EPB41L3: variants seen among roughly 807,000 people sequenced by gnomAD.
EPB41L3 encodes the protein erythrocyte membrane protein band 4.1 like 3.
EPB41L3 carries 57 observed loss-of-function variants against 127.1 expected under a neutral mutation model. That is an observed-to-expected ratio of 0.45 (90% CI 0.36 to 0.56). EPB41L3 has a LOEUF of 0.56. Among genes scored for constraint, EPB41L3 ranks in the 20% least tolerant of loss-of-function variants. The pLI, the probability that EPB41L3 is intolerant of heterozygous loss-of-function variation, is 0.00. For missense variants in EPB41L3, 1,273 were observed against 1,372.2 expected (o/e 0.93, Z 1.14); for synonymous variants, 572 against 549.5 (o/e 1.04, Z -0.57).
chr18:5,593,881 C>A (rs904438476), intron 3 of EPB41L3, among the ~76,000 whole-genome samples: 13 of 152,194 alleles, frequency 8.5e-5, no homozygotes, highest in African/African-American at 3.1e-4. Flanking sequence ...TCTGTTCCGC[C>A]CGGCTCACCG....
Position 5,419,773 on chromosome 18 carries a change from C to G in EPB41L3, c.1444G>C (p.Glu482Gln), listed in dbSNP as rs1410237213. The change falls in exon 12 of 23, where the codon GAG becomes CAG. Residue 482 changes from glutamate to glutamine, a missense_variant. Glu to Gln is a conservative substitution (Grantham distance 29). Around this residue, in one of 3 missense-constraint regions of EPB41L3, gnomAD observed 765 missense variants for 782.9 expected, o/e 0.98. Transcript: ENST00000341928. ...TCTTCCCCCTTCCTCCGTTTGTCCT[C>G]TTCCTCGTCCCGCTCCTCCTCAGCC... ...KKAEEERDEEEDKRRKGEEVT... is the reference protein window; with the variant it reads ...KKAEEERDEEQDKRRKGEEVT... The G allele has an allele frequency of 1.2e-6, 2 of 1,614,058 alleles. No homozygotes were observed. The highest frequency in any genetic ancestry group is 1.7e-6 in the Non-Finnish European group (2 of 1,180,038).
intron 3 of EPB41L3, among the ~76,000 whole-genome samples, chr18:5,588,551 A>G (rs949825503): frequency 3.9e-5 from 6 of 151,922 alleles, no homozygotes; most frequent in African/African-American, 1.4e-4. Context: ...ATATATATAC[A>G]CATAAATCTT....
chr18:5,574,279 C>T (rs908588495), intron 3 of EPB41L3, among the ~76,000 whole-genome samples: 2 of 151,694 alleles, frequency 1.3e-5, no homozygotes, highest in Admixed American at 1.3e-4. Flanking sequence ...GCTACATTGC[C>T]CAGACTGGCC....
intron 3 of EPB41L3, among the ~76,000 whole-genome samples, chr18:5,579,998 A>C (rs1188149164): frequency 6.6e-6 from 1 of 152,188 alleles, no homozygotes; most frequent in Admixed American, 6.5e-5. Flanking sequence ...ATTACTATTA[A>C]TCCCAATTTA....
At chr18:5,541,689 C>G (rs1353362616) in intron 1 of EPB41L3, among the ~76,000 whole-genome samples, 1 of 152,176 alleles carries the variant, frequency 6.6e-6, no homozygotes, top group Non-Finnish European at 1.5e-5. Flanking sequence ...AAAGTCCAAG[C>G]AGTGTACATG....
At chr18:5,441,707 G>A (rs536973008) in intron 5 of EPB41L3, among the ~76,000 whole-genome samples, 13 of 151,978 alleles carry the variant, frequency 8.6e-5, no homozygotes, top group South Asian at 4.2e-4. Flanking sequence ...CTCGTGATCC[G>A]CCCGTCTCGG....
At chr18:5,585,883 T>TTCATCCCTCTGCCAGTGGCC (rs2094437613) in intron 3 of EPB41L3, among the ~76,000 whole-genome samples, 2 of 152,126 alleles carry the variant, frequency 1.3e-5, no homozygotes, top group Non-Finnish European at 2.9e-5. Context: ...TGCCAGTGGC[T>TTCATCCCTCTGCCAGTGGCC]TCATCCCTCT....
At position 5,456,310 on chromosome 18, in the gene EPB41L3, T is replaced by C. The variant is rs560968306; in HGVS notation, c.382-11066A>G. On this transcript the variant is annotated intron_variant, in intron 3 of 22. Coordinates refer to ENST00000341928, the MANE Select transcript of EPB41L3 (RefSeq NM_012307.5). ...CATCAACTGTTTAAGCCTATATTAG[T>C]AGGGCAAGGCTGAGAATAAATAGAA... 3.9e-4 allele frequency among the ~76,000 whole-genome samples: 59 copies of C among 152,304 alleles called. No individual in the cohort carries two copies. The South Asian group carries it at 0.012, about 31-fold the overall frequency.
intron 1 of EPB41L3, among the ~76,000 whole-genome samples, chr18:5,524,952 G>C (rs1029734211): frequency 4.6e-5 from 7 of 152,176 alleles, no homozygotes; most frequent in African/African-American, 9.7e-5. Flanking sequence ...GGTCTGAAAT[G>C]AAAGATGCAC....
intron 1 of EPB41L3, among the ~76,000 whole-genome samples, chr18:5,625,258 C>T (rs2094909913): frequency 6.6e-6 from 1 of 151,860 alleles, no homozygotes; most frequent in African/African-American, 2.4e-5. Context: ...TGAGAGTGAG[C>T]TGGGATAATT....
intron 13 of EPB41L3, among the ~76,000 whole-genome samples, chr18:5,414,686 A>T (rs1301193203): frequency 2.6e-5 from 4 of 151,792 alleles, no homozygotes; most frequent in Non-Finnish European, 5.9e-5. Context: ...TGGGGAGAGG[A>T]GTGGGGAGGG....
At chr18:5,596,006 T>C (rs1302274770) in intron 3 of EPB41L3, among the ~76,000 whole-genome samples, 1 of 152,212 alleles carries the variant, frequency 6.6e-6, no homozygotes, top group Non-Finnish European at 1.5e-5. Context: ...CAATTTAAAA[T>C]TCACTGCTCT....
At chr18:5,613,047 A>C (rs925475815) in intron 2 of EPB41L3, among the ~76,000 whole-genome samples, 8 of 152,160 alleles carry the variant, frequency 5.3e-5, no homozygotes, top group African/African-American at 1.9e-4. Flanking sequence ...GCATGTTTCC[A>C]AACAACTTCT....
At chr18:5,580,165 G>A (rs2143157492) in intron 3 of EPB41L3, among the ~76,000 whole-genome samples, 2 of 152,146 alleles carry the variant, frequency 1.3e-5, no homozygotes, top group South Asian at 4.1e-4. Context: ...CTCATTTATG[G>A]ATAAATACAT....
upstream of EPB41L3, chr18:5,544,024 G>C (rs1354258640): frequency 1.0e-6 from 1 of 985,610 alleles, no homozygotes; most frequent in Non-Finnish European, 1.2e-6. Context: ...CCGCAGCCCA[G>C]GGCTGCTCGC....
At chr18:5,477,068 C>G (rs2087383514) in intron 3 of EPB41L3, among the ~76,000 whole-genome samples, 1 of 152,132 alleles carries the variant, frequency 6.6e-6, no homozygotes, top group South Asian at 2.1e-4. Context: ...ATTTAGTAAC[C>G]TACCTCTCAT....
intron 3 of EPB41L3, among the ~76,000 whole-genome samples, chr18:5,603,158 G>C (rs958620971): frequency 6.6e-6 from 1 of 152,064 alleles, no homozygotes; most frequent in African/African-American, 2.4e-5. Flanking sequence ...CATCAGGACT[G>C]TTATCATCTG....
intron 3 of EPB41L3, 122 bp from the exon 4 acceptor site, chr18:5,445,366 A>G (rs2081324845): frequency 1.3e-6 from 1 of 752,732 alleles, no homozygotes; most frequent in Non-Finnish European, 2.2e-6. Flanking sequence ...AGTGACCAAC[A>G]GTGTGATCAC....
intron 3 of EPB41L3, among the ~76,000 whole-genome samples, chr18:5,464,090 C>T (rs937431609): frequency 6.6e-6 from 1 of 152,152 alleles, no homozygotes; most frequent in Non-Finnish European, 1.5e-5. Context: ...TCAACACTTG[C>T]TCTCACATCT....
Sources: gnomAD v4.1 joint callset for allele counts (sites outside exome capture counted in the v4.1 genomes callset) on GRCh38, gnomAD v4.1.1 for gene constraint, gnomAD v4.1.1 regional missense constraint, MANE v1.5 for transcripts, NCBI Gene and HGNC (gene_info 2026-07-23, HGNC 2026-07-21) for gene names.